Variants in VPS13A observed in about 807,000 individuals in gnomAD.
The protein encoded by VPS13A is vacuolar protein sorting 13 homolog A.
A neutral mutation model predicts 390.9 loss-of-function variants in VPS13A; 264 were observed. The ratio of observed to expected loss-of-function variants is 0.68; its 90% CI spans 0.61 to 0.75. VPS13A has a LOEUF of 0.75. VPS13A is among the 30% of genes least tolerant of loss of function. The pLI, the probability that VPS13A is intolerant of heterozygous loss-of-function variation, is 0.00. For missense variants in VPS13A, 3,409 were observed against 3,733.9 expected, an observed-to-expected ratio of 0.91 and a Z score of 2.27; for synonymous variants, 1,231 against 1,227.1, an observed-to-expected ratio of 1.00 and a Z score of -0.07.
intron 17 of VPS13A, among the ~76,000 whole-genome samples, chr9:77,228,768 A>G (rs764358282): frequency 6.6e-6 from 1 of 152,194 alleles, no homozygotes; most frequent in African/African-American, 2.4e-5. Context: ...TAATTGGACC[A>G]ACAGCTCCAC....
chr9:77,411,660 C>CAAAAAAAAAAAAAAAAAAAAAAAA (rs1169254413), intron 71 of VPS13A, among the ~76,000 whole-genome samples: 9 of 33,920 alleles, frequency 2.7e-4, no homozygotes, highest in South Asian at 2.0e-3. Flanking sequence ...AACTCCATCT[C>CAAAAAAAAAAAAAAAAAAAAAAAA]AAAAAAAAAA....
intron 52 of VPS13A, among the ~76,000 whole-genome samples, chr9:77,345,986 C>CAA (rs983877701): frequency 6.6e-6 from 1 of 152,054 alleles, no homozygotes; most frequent in African/African-American, 2.4e-5. Flanking sequence ...AACATGTGTG[C>CAA]AAGTGTCTTT....
intron 54 of VPS13A, among the ~76,000 whole-genome samples, chr9:77,353,916 T>C (rs955331901): frequency 6.6e-6 from 1 of 152,142 alleles, no homozygotes; most frequent in Non-Finnish European, 1.5e-5. Context: ...ATGTTTTGCA[T>C]ATCATACAAA....
At chr9:77,220,509 T>A in intron 12 of VPS13A, 126 bp downstream of exon 12, 1 of 692,130 alleles carries the variant, frequency 1.4e-6, no homozygotes. Context: ...ATAATTGATT[T>A]ATAGCTAGAA....
In VPS13A at chr9:77,340,535, T is replaced by G. The variant is rs149134781; in HGVS notation, c.7011T>G (p.Ser2337=). Residue 2337 remains serine (S), a synonymous_variant, in exon 50 of 72, where the codon TCT becomes TCG. Transcript: ENST00000360280. ...VAEEGNDKWL[S]LDLEQCIPFW... ...AAGAAGGAAATGATAAATGGCTCTC[T>G]CTTGATTTGGAGCAGGTGGGTAGAT... The G allele has an allele frequency of 2.5e-6, 4 of 1,612,482 alleles. No homozygotes were observed. In the African/African-American group the frequency reaches 5.3e-5, roughly 22 times the overall value.
chr9:77,392,333 T>A (rs921891523), intron 68 of VPS13A, among the ~76,000 whole-genome samples: 5 of 152,240 alleles, frequency 3.3e-5, no homozygotes, highest in African/African-American at 9.6e-5. Flanking sequence ...TAACTCGTTT[T>A]GTTAATAAAA....
At chr9:77,236,669 T>C (rs988584210) in intron 17 of VPS13A, among the ~76,000 whole-genome samples, 8 of 152,230 alleles carry the variant, frequency 5.3e-5, no homozygotes, top group African/African-American at 1.4e-4. Flanking sequence ...AATTGAATGA[T>C]GTGTGCTCTT....
chr9:77,223,576 C>T (rs1823341016), intron 13 of VPS13A, among the ~76,000 whole-genome samples: 1 of 152,120 alleles, frequency 6.6e-6, no homozygotes, highest in African/African-American at 2.4e-5. Context: ...TACAGCATTC[C>T]TCTAAGCCTT....
chr9:77,208,487 A>G (rs1825800360), intron 5 of VPS13A, among the ~76,000 whole-genome samples: 1 of 150,432 alleles, frequency 6.6e-6, no homozygotes, highest in Non-Finnish European at 1.5e-5. Context: ...GATAATAACT[A>G]TGATTATCAA....
intron 16 of VPS13A, among the ~76,000 whole-genome samples, 168 bp from the exon 17 acceptor site, chr9:77,227,954 G>A (rs554616237): frequency 4.6e-5 from 7 of 151,940 alleles, no homozygotes; most frequent in African/African-American, 1.7e-4. Context: ...TAATTTCTAA[G>A]GTAGGGATAA....
rs572009861 is a variant in VPS13A at position 77,276,610 on chromosome 9, A to G, written c.2824+389A>G. On this transcript the variant is annotated intron_variant, in intron 26 of 71. Coordinates refer to ENST00000360280, the MANE Select transcript of VPS13A (RefSeq NM_033305.3). ...ACACAAGTCTCACTGGGCAAAACTC[A>G]AGGTGTCAGTAGGACTTCCTTTTAG... Among the ~76,000 whole-genome samples, 17 of 152,060 alleles carry G rather than the reference A, an allele frequency of 1.1e-4. No homozygotes were observed. In the East Asian group the frequency reaches 2.3e-3, roughly 21 times the overall value.
At chr9:77,385,083 T>TAA (rs1158841375) in intron 68 of VPS13A, 3 of 988,214 alleles carry the variant, frequency 3.0e-6, no homozygotes, top group South Asian at 9.0e-5. Flanking sequence ...TGCCACTGTG[T>TAA]AAAAAAAAAG....
chr9:77,306,249 G>C (rs1828733175), intron 34 of VPS13A, among the ~76,000 whole-genome samples: 1 of 152,144 alleles, frequency 6.6e-6, no homozygotes. Context: ...AGTAAAACTT[G>C]TTAAATATTG....
At position 77,357,798 on chromosome 9, in the gene VPS13A, C is replaced by G. The variant is rs1355401755; in HGVS notation, c.7913C>G (p.Ala2638Gly). Residue 2638 changes from alanine (A) to glycine (G), a missense_variant, in exon 56 of 72, where the codon GCA (alanine) becomes GGA (glycine). Ala to Gly is a moderately conservative substitution (Grantham distance 60). Coordinates refer to ENST00000360280, the MANE Select transcript of VPS13A (RefSeq NM_033305.3). ...TTAAAAGTGGAATATAACACATCTGCACATCAATCATCATTTAGAATTCAG... is the reference window on the plus strand; with the variant it reads ...TTAAAAGTGGAATATAACACATCTGGACATCAATCATCATTTAGAATTCAG... ...PALKVEYNTS[A>G]HQSSFRIQIY... is the part of the protein sequence containing the mutation. 1.9e-6 allele frequency: 3 copies of G among 1,613,506 alleles called. No homozygotes were observed. The highest frequency in any genetic ancestry group is 2.5e-6 in the Non-Finnish European group (3 of 1,179,792).
intron 68 of VPS13A, among the ~76,000 whole-genome samples, chr9:77,390,687 G>GTTGTTGTTA: frequency 7.7e-6 from 1 of 130,190 alleles, no homozygotes; most frequent in East Asian, 2.3e-4. Context: ...TGTTGTTGTT[G>GTTGTTGTTA]TTTGTTGTTG....
intron 29 of VPS13A, 35 bp from the exon 30 acceptor site, chr9:77,283,320 T>C (rs771801820): frequency 1.6e-6 from 2 of 1,252,494 alleles, no homozygotes; most frequent in Admixed American, 3.5e-5. Context: ...TAAATGTTTT[T>C]CCTCATGTTT....
chr9:77,266,834 A>G (rs773086267), intron 23 of VPS13A, among the ~76,000 whole-genome samples: 1 of 151,998 alleles, frequency 6.6e-6, no homozygotes, highest in Non-Finnish European at 1.5e-5. Context: ...ACATAGTCCC[A>G]TATTTCTTGG....
chr9:77,370,971 T>A, intron 66 of VPS13A, 36 bp downstream of exon 66: 1 of 1,614,174 alleles, frequency 6.2e-7, no homozygotes, highest in South Asian at 1.1e-5. Context: ...TCTTTCTAAG[T>A]TGATTCTGTT....
chr9:77,332,400 A>G (rs913687100), intron 46 of VPS13A, among the ~76,000 whole-genome samples: 49 of 152,026 alleles, frequency 3.2e-4, no homozygotes, highest in African/African-American at 1.2e-3. Context: ...TGTCTAATAG[A>G]TCATGCCTGG....
Sources: gnomAD v4.1 joint callset for allele counts (sites outside exome capture counted in the v4.1 genomes callset) on GRCh38, gnomAD v4.1.1 for gene constraint, MANE v1.5 for transcripts, NCBI Gene and HGNC (gene_info 2026-07-23, HGNC 2026-07-21) for gene names.